Variants in GRM5 observed in about 807,000 individuals in gnomAD.
The protein encoded by GRM5 is glutamate metabotropic receptor 5, also known as metabotropic glutamate receptor 5.
In GRM5, 19 loss-of-function variants were observed where a neutral mutation model predicts 83.1. That is an observed-to-expected ratio of 0.23 (90% CI 0.16 to 0.34). The LOEUF (loss-of-function observed/expected upper bound fraction) is 0.34, where lower values mean the gene tolerates loss of function less well. Among genes scored for constraint, GRM5 ranks in the 10% least tolerant of loss-of-function variants. The pLI is 1.00. For synonymous variants in GRM5, 675 were observed against 633.6 expected, an observed-to-expected ratio of 1.07 and a Z score of -0.98; for missense variants, 1,160 against 1,588.3, an observed-to-expected ratio of 0.73 and a Z score of 4.58.
In GRM5 at chr11:88,505,735, T is replaced by C. The variant is rs1392874953; in HGVS notation, c.*2857A>G. 6.6e-6 allele frequency: 1 copy of C among 152,238 alleles called. No homozygotes were observed. Among genetic ancestry groups the C allele is most frequent in the Non-Finnish European group, 1.5e-5 (1 of 68,054 alleles). 9.4% of individuals were successfully genotyped at this position (152,238 alleles called of 1,614,324 possible). A position where few individuals can be genotyped will look rare whatever the true frequency, so the allele number is the denominator to read the frequency against. ...TTCTTTCCATCCTGGGACATATCTC[T>C]CATTTAGGGTCACTTTGCTGAGCCT... On this transcript the variant is annotated 3_prime_UTR_variant, in exon 10 of 10. Transcript: ENST00000305447.
chr11:88,865,544 G>GA (rs1453062486), intron 2 of GRM5, among the ~76,000 whole-genome samples: 1 of 152,068 alleles, frequency 6.6e-6, no homozygotes. Context: ...GGCAACAAAA[G>GA]ACAAAATTGA....
At chr11:89,014,317 A>G (rs935383031) in intron 2 of GRM5, among the ~76,000 whole-genome samples, 7 of 152,194 alleles carry the variant, frequency 4.6e-5, no homozygotes, top group African/African-American at 1.2e-4. Context: ...ATCACAGCAC[A>G]TGGTACAGAA....
intron 2 of GRM5, among the ~76,000 whole-genome samples, chr11:88,980,700 G>A (rs1159367784): frequency 6.6e-6 from 1 of 152,042 alleles, no homozygotes; most frequent in Non-Finnish European, 1.5e-5. Context: ...GCAGGTGCCT[G>A]TAGTCCCAGC....
chr11:88,770,472 C>T (rs1235725731), intron 3 of GRM5, among the ~76,000 whole-genome samples: 1 of 152,012 alleles, frequency 6.6e-6, no homozygotes, highest in Non-Finnish European at 1.5e-5. Context: ...GTACTATATG[C>T]TCAATTTTTT....
chr11:88,833,387 C>G (rs1944033589), intron 3 of GRM5, among the ~76,000 whole-genome samples: 1 of 152,082 alleles, frequency 6.6e-6, no homozygotes, highest in African/African-American at 2.4e-5. Flanking sequence ...AAGGAATGCT[C>G]CACATCAATA....
intron 3 of GRM5, among the ~76,000 whole-genome samples, chr11:88,793,833 T>C (rs1033149657): frequency 9.9e-5 from 15 of 152,134 alleles, no homozygotes; most frequent in East Asian, 3.9e-4. Context: ...TGTTCGTTTG[T>C]TTGTTTTTGT....
At chr11:88,937,484 T>A (rs1459275970) in intron 2 of GRM5, among the ~76,000 whole-genome samples, 4 of 151,682 alleles carry the variant, frequency 2.6e-5, no homozygotes, top group Non-Finnish European at 5.9e-5. Context: ...ATAGCTTCAT[T>A]TATCAGTAGT....
intron 3 of GRM5, among the ~76,000 whole-genome samples, chr11:88,787,131 ATGTGTGTGTGTGTGTGTGTGTGTGTGTG>A (rs57116541): frequency 1.4e-5 from 2 of 143,342 alleles, no homozygotes; most frequent in Non-Finnish European, 3.0e-5. Flanking sequence ...ATATGATATG[ATGTGTGTGTGTGTGTGTGTGTGTGTGTG>A]TGTGTGTGTG....
At chr11:88,899,721 C>T (rs1297889245) in intron 2 of GRM5, among the ~76,000 whole-genome samples, 1 of 151,912 alleles carries the variant, frequency 6.6e-6, no homozygotes, top group African/African-American at 2.4e-5. Flanking sequence ...TAAGCCCACA[C>T]CTCATTTATG....
chr11:88,830,654 A>G (rs1344820120), intron 3 of GRM5, among the ~76,000 whole-genome samples: 1 of 152,146 alleles, frequency 6.6e-6, no homozygotes, highest in Non-Finnish European at 1.5e-5. Context: ...GAGCCGTTCT[A>G]CCCACACTGG....
intron 3 of GRM5, among the ~76,000 whole-genome samples, chr11:88,832,391 A>T (rs760342418): frequency 6.6e-6 from 1 of 152,212 alleles, no homozygotes; most frequent in Non-Finnish European, 1.5e-5. Flanking sequence ...AAAAAAATCT[A>T]TAAGTATACT....
chr11:89,064,968 G>A (rs1264862572), intron 1 of GRM5, among the ~76,000 whole-genome samples: 2 of 137,894 alleles, frequency 1.5e-5, no homozygotes, highest in Non-Finnish European at 1.6e-5. Flanking sequence ...TTTTGCCAAA[G>A]TTCCATAAAG....
chr11:89,008,435 A>G (rs1168780321), intron 2 of GRM5, among the ~76,000 whole-genome samples: 1 of 152,132 alleles, frequency 6.6e-6, no homozygotes, highest in East Asian at 1.9e-4. Context: ...AAATTGTTTT[A>G]CCACACAGTC....
At chr11:89,008,707 T>C (rs1004425406) in intron 2 of GRM5, among the ~76,000 whole-genome samples, 2 of 152,260 alleles carry the variant, frequency 1.3e-5, no homozygotes, top group East Asian at 3.9e-4. Flanking sequence ...TACTCTACTG[T>C]CTTTATATAC....
At chr11:88,932,559 G>C (rs1479391067) in intron 2 of GRM5, among the ~76,000 whole-genome samples, 2 of 151,786 alleles carry the variant, frequency 1.3e-5, no homozygotes, top group Non-Finnish European at 2.9e-5. Flanking sequence ...TTAATAAGAT[G>C]TTATATAAAT....
At chr11:88,838,890 C>CAT (rs1377998089) in intron 3 of GRM5, among the ~76,000 whole-genome samples, 1 of 151,630 alleles carries the variant, frequency 6.6e-6, no homozygotes, top group Non-Finnish European at 1.5e-5. Context: ...CACACACACA[C>CAT]ACACACACAC....
chr11:88,815,246 A>G (rs1943655530), intron 3 of GRM5, among the ~76,000 whole-genome samples: 1 of 152,228 alleles, frequency 6.6e-6, no homozygotes, highest in Non-Finnish European at 1.5e-5. Flanking sequence ...CCACAATAGA[A>G]TTAAATTATA....
chr11:88,814,582 T>G (rs775559440), intron 3 of GRM5, among the ~76,000 whole-genome samples: 2 of 152,122 alleles, frequency 1.3e-5, no homozygotes, highest in Non-Finnish European at 2.9e-5. Flanking sequence ...ATATATATAC[T>G]AAACACAGCT....
chr11:88,798,805 C>CAAAAAAAAAAAAAA (rs4002396), intron 3 of GRM5, among the ~76,000 whole-genome samples: 54 of 55,204 alleles, frequency 9.8e-4, no homozygotes, highest in African/African-American at 1.2e-3. Context: ...ATGAAAACAC[C>CAAAAAAAAAAAAAA]AAAAAAAAAA....
Sources: gnomAD v4.1 joint callset for allele counts (sites outside exome capture counted in the v4.1 genomes callset) on GRCh38, gnomAD v4.1.1 for gene constraint, MANE v1.5 for transcripts, NCBI Gene and HGNC (gene_info 2026-07-23, HGNC 2026-07-21) for gene names.